The following SLC6A6 variants were observed in gnomAD, a reference collection of about 807,000 sequenced individuals.
The protein encoded by SLC6A6 is solute carrier family 6 member 6, also known as sodium- and chloride-dependent taurine transporter.
Under a neutral mutation model 68.8 loss-of-function variants are expected in SLC6A6, and 16 were observed. The ratio of observed to expected loss-of-function variants is 0.23; its 90% CI spans 0.16 to 0.35. The LOEUF (loss-of-function observed/expected upper bound fraction) is 0.35, where lower values mean the gene tolerates loss of function less well. SLC6A6 is among the 10% of genes least tolerant of loss of function. SLC6A6 has a pLI of 1.00. For synonymous variants in SLC6A6, 312 were observed against 315.4 expected, an observed-to-expected ratio of 0.99 and a Z score of 0.12; for missense variants, 474 against 802.8, an observed-to-expected ratio of 0.59 and a Z score of 4.95.
intron 2 of SLC6A6, among the ~76,000 whole-genome samples, chr3:14,418,114 C>T (rs1295956829): frequency 1.3e-5 from 2 of 152,168 alleles, no homozygotes; most frequent in East Asian, 1.9e-4. Flanking sequence ...TCGTACTCGC[C>T]ATCTGCTGTG....
chr3:14,406,299 C>G (rs1038147779), intron 1 of SLC6A6, among the ~76,000 whole-genome samples: 1 of 152,068 alleles, frequency 6.6e-6, no homozygotes, highest in African/African-American at 2.4e-5. Flanking sequence ...TGTGAGCCAC[C>G]GTGCCAGCCG....
rs1700305896 is a variant in SLC6A6, at chr3:14,453,788, G to A, written c.600-4162G>A. On this transcript the variant is annotated intron_variant, in intron 5 of 14. Coordinates refer to ENST00000622186, the MANE Select transcript of SLC6A6 (RefSeq NM_003043.6). ...GAGGGTGGCCAGGAACAGCTGCCCTGGGGATGTGGCCTTTGAGCAGAGACC... is the reference window on the plus strand; with the variant it reads ...GAGGGTGGCCAGGAACAGCTGCCCTAGGGATGTGGCCTTTGAGCAGAGACC... Among the ~76,000 whole-genome samples the A allele has an allele frequency of 1.3e-5, 2 of 152,256 alleles. 1 individual carries two copies. The highest frequency in any genetic ancestry group is 4.1e-4 in the South Asian group (2 of 4,834).
Position 14,479,110 on chromosome 3 carries a change from T to G in SLC6A6, c.1476T>G (p.Ile492Met), listed in dbSNP as rs908141949. Residue 492 changes from isoleucine (I) to methionine (M), a missense_variant, in exon 13 of 15, where the codon ATT (isoleucine) becomes ATG (methionine). Coordinates refer to ENST00000622186, the MANE Select transcript of SLC6A6 (RefSeq NM_003043.6). ...GAGGTGATAACCTTTATGATGGTAT[T>G]GAGGACATGATTGGCTATCGGCCCG... ...IYGGDNLYDG[I>M]EDMIGYRPGP... The G allele has an allele frequency of 6.2e-7, 1 of 1,612,526 alleles. No homozygotes were observed. The highest frequency in any genetic ancestry group is 1.3e-5 in the African/African-American group (1 of 74,854).
chr3:14,446,887 G>T (rs1035980407), intron 4 of SLC6A6, among the ~76,000 whole-genome samples: 1 of 152,200 alleles, frequency 6.6e-6, no homozygotes, highest in Non-Finnish European at 1.5e-5. Flanking sequence ...AATTGGCAGA[G>T]ACGGGAGCAT....
chr3:14,439,398 A>G (rs747233719), intron 2 of SLC6A6, among the ~76,000 whole-genome samples: 2 of 152,220 alleles, frequency 1.3e-5, no homozygotes, highest in Non-Finnish European at 2.9e-5. Flanking sequence ...AAGCCATGGC[A>G]TCGCTGGCAC....
intron 3 of SLC6A6, among the ~76,000 whole-genome samples, chr3:14,445,465 A>G (rs957774312): frequency 1.3e-5 from 2 of 151,672 alleles, no homozygotes; most frequent in Admixed American, 6.6e-5. Flanking sequence ...AAAGAAAGAA[A>G]AAAAAGAAGG....
In SLC6A6 at chr3:14,421,952, G is replaced by A. The variant is rs1036895321; in HGVS notation, c.-12+5499G>A. 2.0e-5 allele frequency among the ~76,000 whole-genome samples: 3 copies of A among 152,152 alleles called. No individual in the cohort carries two copies. The East Asian group carries it at 5.8e-4, about 29-fold the overall frequency. ...GAGGATGTCTTGGGTGCATCTTCTCGTCTCGGCTCTTGGACCCAGCAGGGG... is the reference window on the plus strand; with the variant it reads ...GAGGATGTCTTGGGTGCATCTTCTCATCTCGGCTCTTGGACCCAGCAGGGG... On this transcript the variant is annotated intron_variant, in intron 2 of 14. Coordinates refer to ENST00000622186, the MANE Select transcript of SLC6A6 (RefSeq NM_003043.6).
Position 14,443,659 on chromosome 3 carries a change from T to C in SLC6A6, c.25T>C (p.Cys9Arg), listed in dbSNP as rs756211186. 6.8e-6 allele frequency: 11 copies of C among 1,612,544 alleles called. No individual in the cohort carries two copies. Among genetic ancestry groups the C allele is most frequent in the Non-Finnish European group, 9.3e-6 (11 of 1,178,816 alleles). MATKEKLQ[C>R]LKDFHKDILK... ...GATGGCCACCAAGGAGAAGCTGCAG[T>C]GTCTGAAAGATTTCCACAAGGACAT... The change falls in exon 3 of 15, where the codon TGT becomes CGT. Residue 9 changes from cysteine (C) to arginine (R), a missense_variant. Cys to Arg is a radical substitution (Grantham distance 180). Around this residue, in one of 2 missense-constraint regions of SLC6A6, gnomAD observed 280 missense variants for 533.1 expected, o/e 0.53. Coordinates refer to ENST00000622186, the MANE Select transcript of SLC6A6 (RefSeq NM_003043.6).
chr3:14,423,901 C>T (rs957545503), intron 2 of SLC6A6, among the ~76,000 whole-genome samples: 15 of 152,148 alleles, frequency 9.9e-5, no homozygotes, highest in Middle Eastern at 3.2e-3. Context: ...GTGTGGCCTT[C>T]TGTGGGCCAA....
At chr3:14,460,807 A>G (rs1700477645) in intron 6 of SLC6A6, among the ~76,000 whole-genome samples, 1 of 152,248 alleles carries the variant, frequency 6.6e-6, no homozygotes, top group African/African-American at 2.4e-5. Flanking sequence ...GGGCCAGGCC[A>G]GAGAAGCCAA....
chr3:14,470,585 C>T (rs3773171), intron 9 of SLC6A6, among the ~76,000 whole-genome samples: 10,157 of 152,222 alleles, frequency 0.067, 430 homozygotes, highest in South Asian at 0.16. Flanking sequence ...ATCTTCACAA[C>T]GTCCCTGGTG....
At chr3:14,405,177 T>G (rs1446216039) in intron 1 of SLC6A6, among the ~76,000 whole-genome samples, 1 of 152,196 alleles carries the variant, frequency 6.6e-6, no homozygotes, top group African/African-American at 2.4e-5. Flanking sequence ...GTCCCAGTCC[T>G]TAGGGCAGGA....
intron 2 of SLC6A6, among the ~76,000 whole-genome samples, chr3:14,429,994 C>T (rs1699686275): frequency 1.4e-5 from 2 of 138,406 alleles, no homozygotes; most frequent in Non-Finnish European, 3.1e-5. Context: ...CTTGGGTGGG[C>T]GGGAAGGGCT....
In SLC6A6 at chr3:14,445,931, G is replaced by C. The variant is rs187147757; in HGVS notation, c.364+80G>C. 1.7e-5 allele frequency: 25 copies of C among 1,461,788 alleles called. No homozygotes were observed. In the East Asian group the frequency reaches 5.3e-4, roughly 31 times the overall value. 90.6% of individuals were successfully genotyped at this position (1,461,788 alleles called of 1,614,324 possible). A position where few individuals can be genotyped will look rare whatever the true frequency, so the allele number is the denominator to read the frequency against. ...TTTATTGAGCACCTATTGTCTGCCA[G>C]GTCCATTGGAGCCTCATGCACATCA... On this transcript the variant is annotated intron_variant, in intron 4 of 14. Coordinates refer to ENST00000622186, the MANE Select transcript of SLC6A6 (RefSeq NM_003043.6).
chr3:14,484,977 G>A lies in SLC6A6; in HGVS notation c.1833G>A (p.Pro611=), dbSNP rs35003284. 2.5e-4 allele frequency: 397 copies of A among 1,613,014 alleles called. No individual in the cohort carries two copies. The African/African-American group carries it at 4.6e-3, about 19-fold the overall frequency. ...RTVMNGALVK[P]THIIVETMM Reference sequence around the variant, plus strand: ...TCATGAACGGCGCTCTCGTGAAACCGACCCACATCATTGTGGAGACCATGA... The same window carrying A: ...TCATGAACGGCGCTCTCGTGAAACCAACCCACATCATTGTGGAGACCATGA... The change falls in exon 15 of 15, where the codon CCG becomes CCA. Residue 611 remains proline (P), a synonymous_variant. Transcript: ENST00000622186.
chr3:14,403,593 T>C (rs1455743363), intron 1 of SLC6A6, among the ~76,000 whole-genome samples: 2 of 152,034 alleles, frequency 1.3e-5, no homozygotes, highest in Non-Finnish European at 2.9e-5. Context: ...ATGCACTCCA[T>C]AGGTGGTGTG....
intron 6 of SLC6A6, among the ~76,000 whole-genome samples, chr3:14,461,947 C>G (rs528228611): frequency 4.4e-4 from 67 of 152,380 alleles, no homozygotes; most frequent in Middle Eastern, 3.4e-3. Context: ...TGCTCAGCCA[C>G]CCTCTTTTCT....
At chr3:14,446,245 G>C (rs1393817600) in intron 4 of SLC6A6, among the ~76,000 whole-genome samples, 1 of 152,198 alleles carries the variant, frequency 6.6e-6, no homozygotes, top group African/African-American at 2.4e-5. Context: ...ATAAAGAATA[G>C]CAGTATGGCC....
chr3:14,429,047 C>G (rs1455307376), intron 2 of SLC6A6, among the ~76,000 whole-genome samples: 1 of 152,180 alleles, frequency 6.6e-6, no homozygotes, highest in East Asian at 1.9e-4. Context: ...CCCCCCTACC[C>G]CCAGGAATCG....
Sources: allele counts gnomAD v4.1 joint callset (sites outside exome capture counted in the v4.1 genomes callset), GRCh38; gene constraint gnomAD v4.1.1; regional missense constraint gnomAD v4.1.1; transcripts MANE v1.5; gene names NCBI Gene and HGNC (gene_info 2026-07-23, HGNC 2026-07-21).